Variants in PRKG1 observed in about 807,000 individuals in gnomAD.
PRKG1 encodes protein kinase cGMP-dependent 1, also known as cGMP-dependent protein kinase 1.
Under a neutral mutation model 88.1 loss-of-function variants are expected in PRKG1, and 35 were observed. That is an observed-to-expected ratio of 0.40 (90% CI 0.30 to 0.53). The LOEUF (loss-of-function observed/expected upper bound fraction) is 0.53. PRKG1 is among the 20% of genes least tolerant of loss of function. The pLI is 0.59. For synonymous variants in PRKG1, 303 were observed against 292.5 expected (o/e 1.04, Z -0.37); for missense variants, 540 against 839.8 (o/e 0.64, Z 4.41).
chr10:51,942,612 C>T (rs1476277965), intron 5 of PRKG1, among the ~76,000 whole-genome samples: 3 of 146,926 alleles, frequency 2.0e-5, no homozygotes, highest in African/African-American at 2.6e-5. Context: ...TTTAATCCAT[C>T]TTGAATTAAT....
At chr10:51,855,359 T>G (rs920919422) in intron 4 of PRKG1, among the ~76,000 whole-genome samples, 2 of 152,176 alleles carry the variant, frequency 1.3e-5, no homozygotes, top group Admixed American at 6.5e-5. Context: ...GGTGAAGGGT[T>G]GGAAAGAGGG....
chr10:51,858,819 T>C (rs1030546393), intron 4 of PRKG1, among the ~76,000 whole-genome samples: 1 of 152,106 alleles, frequency 6.6e-6, no homozygotes, highest in African/African-American at 2.4e-5. Flanking sequence ...TACAGGCTTT[T>C]CCCATTATGC....
intron 3 of PRKG1, among the ~76,000 whole-genome samples, chr10:51,769,049 AAAC>A (rs1476117276): frequency 1.3e-5 from 2 of 152,200 alleles, no homozygotes; most frequent in Non-Finnish European, 2.9e-5. Flanking sequence ...GAGCTTTCAC[AAAC>A]AACTGTTTGT....
chr10:52,251,716 AT>A, intron 10 of PRKG1, 50 bp downstream of exon 10: 2 of 1,411,052 alleles, frequency 1.4e-6, no homozygotes, highest in Non-Finnish European at 9.9e-7. Flanking sequence ...TTCCTTTTTA[AT>A]TTTTTCCCCT....
chr10:52,106,669 A>C (rs969626396), intron 7 of PRKG1, among the ~76,000 whole-genome samples: 4 of 150,420 alleles, frequency 2.7e-5, no homozygotes, highest in African/African-American at 9.8e-5. Flanking sequence ...GCGCCACTGC[A>C]CTCCAGCCTG....
chr10:52,254,323 T>C (rs957537001), intron 10 of PRKG1, among the ~76,000 whole-genome samples: 2 of 151,994 alleles, frequency 1.3e-5, no homozygotes, highest in African/African-American at 4.8e-5. Context: ...TGAAGCAATA[T>C]CTAAGCAATA....
chr10:51,146,200 AG>A (rs1845945109), intron 1 of PRKG1, among the ~76,000 whole-genome samples: 1 of 151,746 alleles, frequency 6.6e-6, no homozygotes, highest in Non-Finnish European at 1.5e-5. Context: ...AAAAAAAAAA[AG>A]AAAAAAATGT....
intron 2 of PRKG1, among the ~76,000 whole-genome samples, chr10:51,459,898 T>C (rs901237217): frequency 1.3e-5 from 2 of 152,188 alleles, no homozygotes; most frequent in African/African-American, 2.4e-5. Context: ...TGCAACCTGA[T>C]GCTGCCCTTT....
intron 3 of PRKG1, among the ~76,000 whole-genome samples, chr10:51,684,782 G>T (rs1840943511): frequency 1.3e-5 from 2 of 152,104 alleles, no homozygotes; most frequent in Non-Finnish European, 2.9e-5. Context: ...TGGGAGGATC[G>T]CTTGAGCCTG....
intron 7 of PRKG1, among the ~76,000 whole-genome samples, chr10:52,065,654 C>T (rs905795502): frequency 6.6e-6 from 1 of 152,094 alleles, no homozygotes; most frequent in Non-Finnish European, 1.5e-5. Flanking sequence ...TTATCCTTAT[C>T]TGATGAACAT....
intron 2 of PRKG1, 39 bp downstream of exon 2, chr10:51,153,369 T>C: frequency 6.5e-7 from 1 of 1,530,622 alleles, no homozygotes; most frequent in Non-Finnish European, 8.8e-7. Flanking sequence ...ATTCAAATAT[T>C]CTTTTTTCAT....
chr10:51,778,664 T>A (rs1838504819), intron 3 of PRKG1, among the ~76,000 whole-genome samples: 1 of 152,164 alleles, frequency 6.6e-6, no homozygotes, highest in African/African-American at 2.4e-5. Flanking sequence ...CTTCTGTGGC[T>A]GGAGACAGAA....
intron 3 of PRKG1, among the ~76,000 whole-genome samples, chr10:51,618,358 C>T (rs954681088): frequency 5.4e-4 from 82 of 152,060 alleles, no homozygotes; most frequent in African/African-American, 1.9e-3. Flanking sequence ...TGCTTCAGAA[C>T]AAAATGTAAT....
intron 2 of PRKG1, among the ~76,000 whole-genome samples, chr10:51,156,327 G>A (rs1455593491): frequency 3.8e-5 from 2 of 52,154 alleles, no homozygotes; most frequent in East Asian, 3.8e-4. Context: ...ACACACACCC[G>A]AATGTAACAA....
chr10:51,420,268 G>A (rs757442966), intron 2 of PRKG1, among the ~76,000 whole-genome samples: 4 of 152,100 alleles, frequency 2.6e-5, no homozygotes, highest in Non-Finnish European at 4.4e-5. Context: ...ATTACTATCT[G>A]AATAGACCTC....
At chr10:51,970,312 C>T (rs1174386022) in intron 5 of PRKG1, among the ~76,000 whole-genome samples, 1 of 151,832 alleles carries the variant, frequency 6.6e-6, no homozygotes, top group South Asian at 2.1e-4. Flanking sequence ...TCTTTTAGAT[C>T]ATGATCCAGT....
At chr10:51,824,088 G>A (rs1839823684) in intron 4 of PRKG1, among the ~76,000 whole-genome samples, 1 of 151,900 alleles carries the variant, frequency 6.6e-6, no homozygotes, top group East Asian at 1.9e-4. Context: ...TGCCTAGGCT[G>A]GTCTTGAATT....
rs962838742 is a variant in PRKG1 at position 51,776,840 on chromosome 10, C to G, written c.593-27745C>G. On this transcript the variant is annotated intron_variant, in intron 3 of 17. Coordinates refer to ENST00000373980, the MANE Select transcript of PRKG1 (RefSeq NM_006258.4). ...ACTCTGTCTCAAAAACAAAACAAAA[C>G]AAAACAAACAAAATGCTTAAACTTT... Among the ~76,000 whole-genome samples the G allele has an allele frequency of 2.0e-5, 3 of 151,850 alleles. No homozygotes were observed. The South Asian group carries it at 6.2e-4, about 32-fold the overall frequency.
intron 7 of PRKG1, among the ~76,000 whole-genome samples, chr10:52,066,004 A>G (rs1175845743): frequency 1.3e-5 from 2 of 152,116 alleles, no homozygotes; most frequent in Non-Finnish European, 2.9e-5. Context: ...TTCTCTTCAC[A>G]TCTACCCCTT....
Sources: allele counts gnomAD v4.1 joint callset (sites outside exome capture counted in the v4.1 genomes callset), GRCh38; gene constraint gnomAD v4.1.1; transcripts MANE v1.5; gene names NCBI Gene and HGNC (gene_info 2026-07-23, HGNC 2026-07-21).